Variants in TAF4B observed in about 807,000 individuals in gnomAD.
The protein encoded by TAF4B is TATA-box binding protein associated factor 4b.
TAF4B carries 38 observed loss-of-function variants against 86.4 expected under a neutral mutation model. The ratio of observed to expected loss-of-function variants is 0.44; its 90% CI spans 0.34 to 0.58. The LOEUF is 0.58. Ranked by LOEUF, TAF4B falls within the 20% of genes least tolerant of loss-of-function variation. The pLI is 0.02. For missense variants in TAF4B, 988 were observed against 1,027.6 expected, an observed-to-expected ratio of 0.96 and a Z score of 0.53; for synonymous variants, 388 against 391.2, an observed-to-expected ratio of 0.99 and a Z score of 0.10.
chr18:26,346,759 G>GTATATATATATATATATATATATATATA (rs1189521252), intron 13 of TAF4B, among the ~76,000 whole-genome samples: 3 of 27,108 alleles, frequency 1.1e-4, no homozygotes, highest in Non-Finnish European at 1.8e-4. Context: ...ATATATGTGT[G>GTATATATATATATATATATATATATATA]TATATATATA....
At chr18:26,230,777 G>A (rs765525933) in intron 1 of TAF4B, among the ~76,000 whole-genome samples, 4 of 152,046 alleles carry the variant, frequency 2.6e-5, no homozygotes, top group Admixed American at 6.6e-5. Flanking sequence ...ACTCTATGTC[G>A]CTATTATCTA....
Position 26,291,165 on chromosome 18 carries a change from G to A in TAF4B, c.1591-1081G>A, listed in dbSNP as rs983892401. On this transcript the variant is annotated intron_variant, in intron 7 of 14. Coordinates refer to ENST00000269142, the MANE Select transcript of TAF4B (RefSeq NM_005640.3). ...ATTCTGTTTAGAAGTCTGTCTTTTGGCAAGACCATGGCACATTTATATTTG... is the reference window on the plus strand; with the variant it reads ...ATTCTGTTTAGAAGTCTGTCTTTTGACAAGACCATGGCACATTTATATTTG... Among the ~76,000 whole-genome samples, 16 of 152,150 alleles carry A rather than the reference G, an allele frequency of 1.1e-4. No homozygotes were observed. In the East Asian group the frequency reaches 3.1e-3, roughly 29 times the overall value.
chr18:26,293,485 C>G lies in TAF4B; in HGVS notation c.1786C>G (p.Pro596Ala). The G allele has an allele frequency of 6.3e-7, 1 of 1,593,338 alleles. No homozygotes were observed. The highest frequency in any genetic ancestry group is 8.5e-7 in the Non-Finnish European group (1 of 1,174,080). ...GNKILSLQAS[P>A]TQKNRIKENV... ...TAAAATTCTGTCACTTCAAGCATCT[C>G]CTACTCAGAAAAATAGAATAAAAGA... The change falls in exon 9 of 15, where the codon CCT (proline) becomes GCT (alanine). Residue 596 changes from proline (P) to alanine (A), a missense_variant. Physicochemically the swap from Pro to Ala is conservative, Grantham distance 27 (BLOSUM62 -1). Transcript: ENST00000269142.
intron 1 of TAF4B, among the ~76,000 whole-genome samples, chr18:26,241,169 C>A (rs1448054062): frequency 6.6e-6 from 1 of 152,094 alleles, no homozygotes; most frequent in African/African-American, 2.4e-5. Flanking sequence ...GTAGCAGCTC[C>A]CATTTGTACC....
chr18:26,288,603 A>G (rs1173676837), intron 7 of TAF4B, among the ~76,000 whole-genome samples: 1 of 152,154 alleles, frequency 6.6e-6, no homozygotes, highest in African/African-American at 2.4e-5. Flanking sequence ...CCACAGCACT[A>G]CAGCCTGGGT....
intron 13 of TAF4B, among the ~76,000 whole-genome samples, chr18:26,351,498 G>A (rs1307788956): frequency 6.6e-6 from 1 of 152,098 alleles, no homozygotes; most frequent in African/African-American, 2.4e-5. Context: ...GCTACAAGGA[G>A]GCTAGTGAAT....
rs143196098 is a variant in TAF4B, at chr18:26,249,435, G to GCA, written c.344-15733_344-15732dup. Among the ~76,000 whole-genome samples, 1,440 of 151,502 alleles carry GCA rather than the reference G, an allele frequency of 9.5e-3. 25 individuals are homozygous for GCA. The highest frequency in any genetic ancestry group is 0.032 in the African/African-American group (1,337 of 41,252). On this transcript the variant is annotated intron_variant, in intron 1 of 14. Transcript: ENST00000269142. ...GCAGAGGTTGCAGTGATCCAAGATT[G>GCA]CACTCCAGCCTGGGCAACAGAGCAA...
Position 26,322,866 on chromosome 18 carries a change from G to A in TAF4B, c.2133+1666G>A, listed in dbSNP as rs150163004. On this transcript the variant is annotated intron_variant, in intron 11 of 14. Transcript: ENST00000269142. ...GAGATCTTCCTTTTATAATGTAGGC[G>A]TTTACTACTATACATTTCCCTCTGA... Among the ~76,000 whole-genome samples the A allele has an allele frequency of 2.2e-3, 334 of 151,756 alleles. 2 individuals are homozygous for A. Among genetic ancestry groups the A allele is most frequent in the African/African-American group, 7.3e-3 (303 of 41,416 alleles).
chr18:26,360,061 A>G (rs1209758142), intron 14 of TAF4B, among the ~76,000 whole-genome samples: 2 of 152,126 alleles, frequency 1.3e-5, no homozygotes, highest in African/African-American at 4.8e-5. Context: ...TTATATTTGC[A>G]CCAACTTTCT....
chr18:26,331,349 A>G (rs1181655542), intron 12 of TAF4B, among the ~76,000 whole-genome samples: 1 of 152,168 alleles, frequency 6.6e-6, no homozygotes, highest in African/African-American at 2.4e-5. Flanking sequence ...CTTCTTTACC[A>G]GATGTCTAAA....
At chr18:26,346,855 A>ATG (rs1455652684) in intron 13 of TAF4B, among the ~76,000 whole-genome samples, 119 of 9,694 alleles carry the variant, frequency 0.012, 6 homozygotes, top group African/African-American at 0.026. Context: ...GTATATATAT[A>ATG]TATGTGTATA....
At chr18:26,389,742 C>T (rs1180738206) in intron 14 of TAF4B, 103 bp from the exon 15 acceptor site, 2 of 1,231,622 alleles carry the variant, frequency 1.6e-6, no homozygotes, top group Admixed American at 2.3e-5. Context: ...CAGTACCTAA[C>T]CCAGTGACCA....
At chr18:26,355,455 G>A (rs1293270793) in intron 13 of TAF4B, among the ~76,000 whole-genome samples, 4 of 152,136 alleles carry the variant, frequency 2.6e-5, no homozygotes, top group African/African-American at 9.7e-5. Context: ...TCCTTTTCTG[G>A]TTAAAAGTAC....
At chr18:26,272,619 T>TAC (rs1555675795) in intron 3 of TAF4B, among the ~76,000 whole-genome samples, 34 of 152,148 alleles carry the variant, frequency 2.2e-4, no homozygotes, top group African/African-American at 8.2e-4. Context: ...AGGGGGACAG[T>TAC]ACACCCCCAA....
intron 14 of TAF4B, among the ~76,000 whole-genome samples, chr18:26,378,208 G>A (rs2057455830): frequency 6.6e-6 from 1 of 152,126 alleles, no homozygotes; most frequent in Non-Finnish European, 1.5e-5. Context: ...TGCACATCGT[G>A]AGGGGGCAAA....
intron 12 of TAF4B, among the ~76,000 whole-genome samples, 185 bp from the exon 13 acceptor site, chr18:26,334,990 C>T (rs560997146): frequency 2.0e-5 from 3 of 152,240 alleles, no homozygotes; most frequent in Admixed American, 2.0e-4. Flanking sequence ...CTGCAGCAGC[C>T]AGCCCAGATG....
intron 1 of TAF4B, among the ~76,000 whole-genome samples, chr18:26,251,168 T>C (rs2056001009): frequency 6.6e-6 from 1 of 152,168 alleles, no homozygotes; most frequent in Non-Finnish European, 1.5e-5. Flanking sequence ...TGGATATTAA[T>C]GGGAGGCACG....
At chr18:26,236,884 T>C (rs979460808) in intron 1 of TAF4B, among the ~76,000 whole-genome samples, 1 of 152,164 alleles carries the variant, frequency 6.6e-6, no homozygotes, top group Non-Finnish European at 1.5e-5. Flanking sequence ...GATTGCATAA[T>C]AAACTTATCT....
At chr18:26,370,294 C>G (rs1395879395) in intron 14 of TAF4B, among the ~76,000 whole-genome samples, 1 of 152,166 alleles carries the variant, frequency 6.6e-6, no homozygotes, top group Non-Finnish European at 1.5e-5. Flanking sequence ...GGCTGAATTA[C>G]AGCGCAGATT....
Sources: gnomAD v4.1 joint callset for allele counts (sites outside exome capture counted in the v4.1 genomes callset) on GRCh38, gnomAD v4.1.1 for gene constraint, MANE v1.5 for transcripts, NCBI Gene and HGNC (gene_info 2026-07-23, HGNC 2026-07-21) for gene names.